IGHMBP2: variants seen among roughly 807,000 people sequenced by gnomAD.
IGHMBP2 encodes the protein immunoglobulin mu DNA binding protein 2.
IGHMBP2 carries 81 observed loss-of-function variants against 96.0 expected under a neutral mutation model. The ratio of observed to expected loss-of-function variants is 0.84; its 90% confidence interval spans 0.71 to 1.01. The LOEUF is 1.01. IGHMBP2 is among the 50% of genes least tolerant of loss of function. The pLI is 0.00. For synonymous variants in IGHMBP2, 557 were observed against 548.9 expected (o/e 1.01, Z -0.21); for missense variants, 1,227 against 1,306.3 (o/e 0.94, Z 0.94).
chr11:68,906,784 A>G (rs11605457), intron 2 of IGHMBP2, among the ~76,000 whole-genome samples: 27,844 of 151,450 alleles, frequency 0.18, 3,002 homozygotes, highest in Non-Finnish European at 0.25. Flanking sequence ...CTGGGATTAG[A>G]GGCATGCGCC....
chr11:68,905,092 G>T (rs987448149), intron 1 of IGHMBP2, among the ~76,000 whole-genome samples: 2 of 152,190 alleles, frequency 1.3e-5, no homozygotes, highest in Non-Finnish European at 2.9e-5. Context: ...CACCGTGCCC[G>T]GCCGCAGTGT....
chr11:68,915,205 G>C (rs1181996045), intron 6 of IGHMBP2, among the ~76,000 whole-genome samples, 182 bp downstream of exon 6: 1 of 53,318 alleles, frequency 1.9e-5, no homozygotes, highest in Admixed American at 2.1e-4. Context: ...TTGTGACAGA[G>C]TTTTGCTCTC....
Position 68,929,203 on chromosome 11 carries a change from C to A in IGHMBP2, c.1081C>A (p.Leu361Met). The change falls in exon 8 of 15, where the codon CTG becomes ATG. Residue 361 changes from leucine to methionine, a missense_variant. Leu to Met is a conservative substitution (Grantham distance 15, BLOSUM62 2). Transcript: ENST00000255078. ...TNTGASADGP[L>M]KLLPESYFDV... The stretch of plus-strand genomic sequence containing the variant: ...ACCAGGTGCGTCTGCCGATGGCCCC[C>A]TGAAGTTGCTGCCCGAGAGCTACTT... 1 of 1,613,404 alleles carries A rather than the reference C, an allele frequency of 6.2e-7. No individual in the cohort carries two copies. The highest frequency in any genetic ancestry group is 1.3e-5 in the African/African-American group (1 of 75,050).
In IGHMBP2 at chr11:68,934,484, T is replaced by C; in HGVS notation, c.1558T>C (p.Leu520=). Residue 520 remains leucine (L), a synonymous_variant, in exon 11 of 15, where the codon TTG becomes CTG. Coordinates refer to ENST00000255078, the MANE Select transcript of IGHMBP2 (RefSeq NM_002180.3). ...TCCAGGCGAAGTCCGCCTCGTCAGT[T>C]TGCACATCCAGGCTCTGGTGGACGC... ...GNPGEVRLVS[L]HIQALVDAGV... 1.2e-6 allele frequency: 2 copies of C among 1,611,916 alleles called. No homozygotes were observed. Among genetic ancestry groups the C allele is most frequent in the Non-Finnish European group, 1.7e-6 (2 of 1,178,998 alleles).
intron 8 of IGHMBP2, chr11:68,930,439 G>A (rs1364520985): frequency 7.8e-7 from 1 of 1,288,134 alleles, no homozygotes; most frequent in Non-Finnish European, 1.0e-6. Flanking sequence ...TGGCGGGTAT[G>A]TAGAGAGAGG....
chr11:68,930,207 A>G, intron 8 of IGHMBP2: 1 of 1,233,454 alleles, frequency 8.1e-7, no homozygotes, highest in Non-Finnish European at 1.0e-6. Context: ...TCCCTGAGGA[A>G]TGAAACACTT....
At chr11:68,926,549 A>G (rs1022337626) in intron 7 of IGHMBP2, among the ~76,000 whole-genome samples, 2 of 151,984 alleles carry the variant, frequency 1.3e-5, no homozygotes, top group Admixed American at 6.6e-5. Context: ...GATTACAGGC[A>G]TGAACCACCA....
intron 5 of IGHMBP2, among the ~76,000 whole-genome samples, chr11:68,913,054 A>C (rs1055152415): frequency 6.7e-6 from 1 of 150,112 alleles, no homozygotes; most frequent in African/African-American, 2.4e-5. Context: ...AAAAAAAAAA[A>C]AAAAAAAAAA....
At position 68,936,499 on chromosome 11, in the gene IGHMBP2, C is replaced by G; in HGVS notation, c.2019C>G (p.Thr673=). The G allele has an allele frequency of 6.2e-7, 1 of 1,613,752 alleles. No individual in the cohort carries two copies. The highest frequency in any genetic ancestry group is 8.5e-7 in the Non-Finnish European group (1 of 1,179,946). The change falls in exon 13 of 15, where the codon ACC becomes ACG. Residue 673 remains threonine, a synonymous_variant. Coordinates refer to ENST00000255078, the MANE Select transcript of IGHMBP2 (RefSeq NM_002180.3). ...AGCCCCAGGGACCTGCTACGTCCAC[C>G]AGGACCGGAAGCCAGCGGCAGGAGG... The part of the protein sequence containing the change: ...ATKPQGPATS[T]RTGSQRQEGG...
intron 11 of IGHMBP2, 128 bp from the exon 12 acceptor site, chr11:68,935,171 C>A: frequency 8.1e-7 from 1 of 1,239,704 alleles, no homozygotes; most frequent in Non-Finnish European, 1.1e-6. Flanking sequence ...CCCCATGGGG[C>A]TCCTGCAGGC....
chr11:68,926,225 T>G (rs1284399965), intron 7 of IGHMBP2: 1 of 151,670 alleles, frequency 6.6e-6, no homozygotes, highest in African/African-American at 2.4e-5. Context: ...CTAGTGAATT[T>G]CAGTTATTGT....
At chr11:68,923,825 AG>A (rs1418260664) in intron 7 of IGHMBP2, among the ~76,000 whole-genome samples, 6 of 152,148 alleles carry the variant, frequency 3.9e-5, no homozygotes, top group Non-Finnish European at 7.3e-5. Flanking sequence ...ACAATACCCA[AG>A]GGAATCTCGC....
rs753421147 is a variant in IGHMBP2 at position 68,929,406 on chromosome 11, G to A, written c.1235+49G>A. 57 of 1,557,892 alleles carry A rather than the reference G, an allele frequency of 3.7e-5. No homozygotes were observed. The South Asian group carries it at 5.6e-4, about 15-fold the overall frequency. On this transcript the variant is annotated intron_variant, in intron 8 of 14. Coordinates refer to ENST00000255078, the MANE Select transcript of IGHMBP2 (RefSeq NM_002180.3). ...CCCTTCTCTGCCCCCGCCCTCCTGC[G>A]GTCCTTCCACGCTCAGCCAGGAGCC... is the stretch of plus-strand genomic sequence containing the variant.
At position 68,939,521 on chromosome 11, in the gene IGHMBP2, G is replaced by C. The variant is rs756619770; in HGVS notation, c.2785-13G>C. 7 of 1,611,348 alleles carry C rather than the reference G, an allele frequency of 4.3e-6. No homozygotes were observed. Among genetic ancestry groups the C allele is most frequent in the Non-Finnish European group, 5.1e-6 (6 of 1,179,948 alleles). On this transcript the variant is annotated splice_polypyrimidine_tract_variant and intron_variant, in intron 14 of 14. Transcript: ENST00000255078. ...CCCTGTGAGCCCAGCAGTGATTCTTGTGTCCTCCCCAGATCCATGGCTGCG... is the reference window on the plus strand; with the variant it reads ...CCCTGTGAGCCCAGCAGTGATTCTTCTGTCCTCCCCAGATCCATGGCTGCG...
rs147435392 is a variant in IGHMBP2 at position 68,904,520 on chromosome 11, A to G, written c.86+482A>G. Among the ~76,000 whole-genome samples, 242 of 152,200 alleles carry G rather than the reference A, an allele frequency of 1.6e-3. 1 individual carries two copies. In the East Asian group the frequency reaches 0.033, roughly 21 times the overall value. On this transcript the variant is annotated intron_variant, in intron 1 of 14. Coordinates refer to ENST00000255078, the MANE Select transcript of IGHMBP2 (RefSeq NM_002180.3). ...CCGGCTGCGTGCGTGTCGCGGGGAA[A>G]GAGCCTGGAGGAGGAAGGCCCTTCC...
At chr11:68,934,625 A>T in intron 11 of IGHMBP2, 67 bp downstream of exon 11, 1 of 1,239,968 alleles carries the variant, frequency 8.1e-7, no homozygotes, top group Non-Finnish European at 1.2e-6. Context: ...GGGTGAAAGA[A>T]AAAGGGTGAT....
intron 14 of IGHMBP2, 49 bp from the exon 15 acceptor site, chr11:68,939,485 T>C (rs1859667581): frequency 6.3e-7 from 1 of 1,599,716 alleles, no homozygotes; most frequent in Non-Finnish European, 8.5e-7. Flanking sequence ...CTGCAGGATC[T>C]GCCTCCTTGC....
chr11:68,924,182 A>G (rs1452448785), intron 7 of IGHMBP2, among the ~76,000 whole-genome samples: 2 of 152,234 alleles, frequency 1.3e-5, no homozygotes, highest in African/African-American at 4.8e-5. Flanking sequence ...GAGTAAATGC[A>G]GTCCCTGCTA....
rs749134741 is a variant in IGHMBP2 at position 68,937,006 on chromosome 11, G to A, written c.2526G>A (p.Arg842=). 5 of 1,609,124 alleles carry A rather than the reference G, an allele frequency of 3.1e-6. No individual in the cohort carries two copies. The highest frequency in any genetic ancestry group is 4.5e-5 in the East Asian group (2 of 44,868). The change falls in exon 13 of 15, where the codon AGG becomes AGA. Residue 842 remains arginine (R), a synonymous_variant. Coordinates refer to ENST00000255078, the MANE Select transcript of IGHMBP2 (RefSeq NM_002180.3). ...ACCTGGAGAGACTGCAGAGGGTCAGGAGCGCGCAGGGGCAGCCCGCCAGCA... is the reference window on the plus strand; with the variant it reads ...ACCTGGAGAGACTGCAGAGGGTCAGAAGCGCGCAGGGGCAGCCCGCCAGCA... ...TLHLERLQRV[R]SAQGQPASKE...
Sources: gnomAD v4.1 joint callset for allele counts (sites outside exome capture counted in the v4.1 genomes callset) on GRCh38, gnomAD v4.1.1 for gene constraint, MANE v1.5 for transcripts, NCBI Gene and HGNC (gene_info 2026-07-23, HGNC 2026-07-21) for gene names.